Variants in B3GALT9 observed in about 807,000 individuals in gnomAD.
B3GALT9 encodes the protein UDP-GlcNAc:betaGal beta-1,3-N-acetylglucosaminyltransferase 10 (putative).
Position 120,799,016 on chromosome 9 carries a change from A to G in B3GALT9, c.448A>G (p.Ile150Val), listed in dbSNP as rs2044955109. ...TAAGAATAATGATATAATTGAAGGAATCTTCTTGGACAGTTCTGAGAACCA... is the reference window on the plus strand; with the variant it reads ...TAAGAATAATGATATAATTGAAGGAGTCTTCTTGGACAGTTCTGAGAACCA... ...SCKNNDIIEGIFLDSSENQTL... is the reference protein window; with the variant it reads ...SCKNNDIIEGVFLDSSENQTL... Residue 150 changes from isoleucine (I) to valine (V), a missense_variant, in exon 3 of 3, where the codon ATC becomes GTC. Transcript: ENST00000689072. 2.5e-6 allele frequency: 1 copy of G among 399,076 alleles called. No individual in the cohort carries two copies. Among genetic ancestry groups the G allele is most frequent in the Non-Finnish European group, 4.4e-6 (1 of 226,070 alleles). 24.7% of individuals were successfully genotyped at this position (399,076 alleles called of 1,614,324 possible). A position where few individuals can be genotyped will look rare whatever the true frequency, so the allele number is the denominator to read the frequency against.
chr9:120,798,988 C>G lies in B3GALT9; in HGVS notation c.420C>G (p.Ser140=). Residue 140 remains serine (S), a synonymous_variant, in exon 3 of 3, where the codon TCC becomes TCG. Transcript: ENST00000689072. ...VTTQKEINKE[S]CKNNDIIEGI... ...CCCAGAAAGAGATCAACAAAGAATC[C>G]TGTAAGAATAATGATATAATTGAAG... 2.5e-6 allele frequency: 1 copy of G among 398,978 alleles called. No homozygotes were observed. Among genetic ancestry groups the G allele is most frequent in the Non-Finnish European group, 4.4e-6 (1 of 226,060 alleles). 24.7% of individuals were successfully genotyped at this position (398,978 alleles called of 1,614,324 possible). A position where few individuals can be genotyped will look rare whatever the true frequency, so the allele number is the denominator to read the frequency against.
chr9:120,793,534 G>A lies in B3GALT9; in HGVS notation c.-570G>A. ...AGGCCGGGAGTAGGGGTGGGGAGAAGAGCGTCCCGGGAAGCTGAACGCGTG... is the reference window on the plus strand; with the variant it reads ...AGGCCGGGAGTAGGGGTGGGGAGAAAAGCGTCCCGGGAAGCTGAACGCGTG... On this transcript the variant is annotated 5_prime_UTR_variant, in exon 1 of 3. Coordinates refer to ENST00000689072, the MANE Select transcript of B3GALT9 (RefSeq NM_001386823.1). The A allele has an allele frequency of 7.5e-6, 3 of 399,906 alleles. No individual in the cohort carries two copies. The East Asian group carries it at 1.1e-4, about 14-fold the overall frequency. 24.8% of individuals were successfully genotyped at this position (399,906 alleles called of 1,614,324 possible).
chr9:120,800,169 G>C lies in B3GALT9; in HGVS notation c.*491G>C, dbSNP rs533347123. 6.6e-6 allele frequency among the ~76,000 whole-genome samples: 1 copy of C among 151,050 alleles called. No homozygotes were observed. Among genetic ancestry groups the C allele is most frequent in the South Asian group, 2.1e-4 (1 of 4,772 alleles). ...GTCTTGCTCTGTCGCCCAGGCTGGA[G>C]TGCAATGGCACCATCTCTGTTCACT... On this transcript the variant is annotated 3_prime_UTR_variant, in exon 3 of 3. Coordinates refer to ENST00000689072, the MANE Select transcript of B3GALT9 (RefSeq NM_001386823.1).
In B3GALT9 at chr9:120,800,584, CTAAG is replaced by C. The variant is rs981830949; in HGVS notation, c.*908_*911del. Among the ~76,000 whole-genome samples the C allele has an allele frequency of 6.6e-6, 1 of 151,910 alleles. No individual in the cohort carries two copies. The highest frequency in any genetic ancestry group is 2.4e-5 in the African/African-American group (1 of 41,342). Reference sequence around the variant, plus strand: ...CTGGCCAGTACACAATTCATTATAACTAAGTTTTTTTTTTTATAAACTGACTAGT... The same window carrying C: ...CTGGCCAGTACACAATTCATTATAACTTTTTTTTTTTATAAACTGACTAGT... On this transcript the variant is annotated 3_prime_UTR_variant, in exon 3 of 3. Coordinates refer to ENST00000689072, the MANE Select transcript of B3GALT9 (RefSeq NM_001386823.1).
intron 1 of B3GALT9, among the ~76,000 whole-genome samples, chr9:120,794,521 TG>T (rs1373062121): frequency 6.6e-6 from 1 of 150,740 alleles, no homozygotes; most frequent in Non-Finnish European, 1.5e-5. Flanking sequence ...TGTGTGTGTG[TG>T]TGTGTGTGTG....
chr9:120,794,194 A>G (rs1252966438), intron 1 of B3GALT9, among the ~76,000 whole-genome samples: 1 of 152,182 alleles, frequency 6.6e-6, no homozygotes, highest in African/African-American at 2.4e-5. Flanking sequence ...AGTTCCCACA[A>G]CAACCCCACA....
intron 2 of B3GALT9, among the ~76,000 whole-genome samples, chr9:120,798,136 G>T (rs1231314212): frequency 1.3e-5 from 2 of 152,200 alleles, no homozygotes; most frequent in African/African-American, 2.4e-5. Flanking sequence ...AATTAGAGAA[G>T]AAATGGATCC....
intron 2 of B3GALT9, among the ~76,000 whole-genome samples, chr9:120,797,856 A>G (rs1444930470): frequency 6.6e-6 from 1 of 152,188 alleles, no homozygotes; most frequent in East Asian, 1.9e-4. Context: ...GCCCTTTCAG[A>G]CAGAAAGTTT....
rs1042963943 is a variant in B3GALT9 at position 120,796,421 on chromosome 9, A to G, written c.-181-2A>G. On this transcript the variant is annotated splice_acceptor_variant, in intron 1 of 2. Coordinates refer to ENST00000689072, the MANE Select transcript of B3GALT9 (RefSeq NM_001386823.1). LOFTEE classifies it low-confidence loss of function (5UTR_SPLICE). ...ATGATCAGCACCCACTCTCCTATGCAGTCAGCAGGTATTCTAGGATAAAAG... is the reference window on the plus strand; with the variant it reads ...ATGATCAGCACCCACTCTCCTATGCGGTCAGCAGGTATTCTAGGATAAAAG... The G allele has an allele frequency of 6.6e-6, 1 of 152,224 alleles. No homozygotes were observed. Among genetic ancestry groups the G allele is most frequent in the Non-Finnish European group, 1.5e-5 (1 of 68,046 alleles). 9.4% of individuals were successfully genotyped at this position (152,224 alleles called of 1,614,324 possible).
At position 120,799,364 on chromosome 9, in the gene B3GALT9, A is replaced by C. The variant is rs371730504; in HGVS notation, c.796A>C (p.Met266Leu). 1 of 399,194 alleles carries C rather than the reference A, an allele frequency of 2.5e-6. No homozygotes were observed. Among genetic ancestry groups the C allele is most frequent in the Non-Finnish European group, 4.4e-6 (1 of 226,168 alleles). The allele number at this position is 399,194 out of a possible 1,614,324, so 24.7% of individuals were successfully genotyped here. Residue 266 changes from methionine (M) to leucine (L), a missense_variant, in exon 3 of 3, where the codon ATG (methionine) becomes CTG (leucine). Physicochemically the swap from Met to Leu is conservative, Grantham distance 15 (BLOSUM62 2). Coordinates refer to ENST00000689072, the MANE Select transcript of B3GALT9 (RefSeq NM_001386823.1). ...MMYVVFKEVP[M>L]MVPADVFVGI... ...GTATGTGGTTTTCAAAGAAGTACCC[A>C]TGATGGTGCCAGCTGATGTGTTTGT...
In B3GALT9 at chr9:120,801,150, A is replaced by G. The variant is rs1368355980; in HGVS notation, c.*1472A>G. On this transcript the variant is annotated 3_prime_UTR_variant, in exon 3 of 3. Transcript: ENST00000689072. ...TTAGATAGATGCCACTAATCTTGTG[A>G]ATAATGCTGCATTGAATGTGGGGAG... Among the ~76,000 whole-genome samples, 1 of 152,268 alleles carries G rather than the reference A, an allele frequency of 6.6e-6. No homozygotes were observed. Among genetic ancestry groups the G allele is most frequent in the African/African-American group, 2.4e-5 (1 of 41,468 alleles).
At chr9:120,797,753 T>C (rs2044948802) in intron 2 of B3GALT9, among the ~76,000 whole-genome samples, 1 of 152,202 alleles carries the variant, frequency 6.6e-6, no homozygotes, top group South Asian at 2.1e-4. Flanking sequence ...AGGTAACAGT[T>C]ATTATGGGAG....
chr9:120,793,554 C>G lies in B3GALT9; in HGVS notation c.-550C>G, dbSNP rs1455615308. The G allele has an allele frequency of 2.5e-6, 1 of 399,938 alleles. No individual in the cohort carries two copies. Among genetic ancestry groups the G allele is most frequent in the Non-Finnish European group, 4.4e-6 (1 of 227,008 alleles). The allele number at this position is 399,938 out of a possible 1,614,324, so 24.8% of individuals were successfully genotyped here. A position where few individuals can be genotyped will look rare whatever the true frequency, so the allele number is the denominator to read the frequency against. On this transcript the variant is annotated 5_prime_UTR_variant, in exon 1 of 3. Coordinates refer to ENST00000689072, the MANE Select transcript of B3GALT9 (RefSeq NM_001386823.1). ...GAGAAGAGCGTCCCGGGAAGCTGAA[C>G]GCGTGCCGCGCGGCCCTCACGGTGC...
chr9:120,800,003 G>T lies in B3GALT9; in HGVS notation c.*325G>T, dbSNP rs2044961012. The T allele has an allele frequency of 2.5e-5, 4 of 161,744 alleles. No homozygotes were observed. The highest frequency in any genetic ancestry group is 5.3e-5 in the Non-Finnish European group (4 of 75,854). The allele number at this position is 161,744 out of a possible 1,614,324, so 10.0% of individuals were successfully genotyped here. ...CTGGCTCTGTCACCCAGGCTGGAGT[G>T]CAGTGGCGCAATCTCGACTCACTGC... On this transcript the variant is annotated 3_prime_UTR_variant, in exon 3 of 3. Transcript: ENST00000689072.
rs372190292 is a variant in B3GALT9, at chr9:120,799,218, C to T, written c.650C>T (p.Thr217Ile). The part of the protein sequence containing the change: ...IYVGRVLHQV[T>I]PNRDPQNRDF... The stretch of plus-strand genomic sequence containing the variant: ...GTAGGAAGAGTTCTTCATCAGGTTA[C>T]ACCCAATAGAGATCCTCAGAACAGA... The change falls in exon 3 of 3, where the codon ACA becomes ATA. Residue 217 changes from threonine (T) to isoleucine (I), a missense_variant. Coordinates refer to ENST00000689072, the MANE Select transcript of B3GALT9 (RefSeq NM_001386823.1). 2.5e-6 allele frequency: 1 copy of T among 399,110 alleles called. No individual in the cohort carries two copies. Among genetic ancestry groups the T allele is most frequent in the African/African-American group, 2.1e-5 (1 of 48,720 alleles). The allele number at this position is 399,110 out of a possible 1,614,324, so 24.7% of individuals were successfully genotyped here.
intron 1 of B3GALT9, among the ~76,000 whole-genome samples, chr9:120,794,909 C>T (rs2044926646): frequency 6.6e-6 from 1 of 152,138 alleles, no homozygotes; most frequent in Non-Finnish European, 1.5e-5. Context: ...TTAATAGCCA[C>T]ATGAGGCTAA....
intron 2 of B3GALT9, among the ~76,000 whole-genome samples, chr9:120,797,809 A>T (rs985317745): frequency 1.3e-5 from 2 of 152,218 alleles, no homozygotes; most frequent in African/African-American, 4.8e-5. Context: ...AATTCATTTA[A>T]TGTTCCCTGG....
At chr9:120,796,120 G>A (rs548636929) in intron 1 of B3GALT9, among the ~76,000 whole-genome samples, 2 of 152,232 alleles carry the variant, frequency 1.3e-5, no homozygotes, top group South Asian at 4.2e-4. Context: ...TCTATGTCTA[G>A]TACAGTTTTT....
chr9:120,793,575 G>T lies in B3GALT9; in HGVS notation c.-529G>T. ...TGAACGCGTGCCGCGCGGCCCTCAC[G>T]GTGCTTAGGCTGGGTGCAACCTAGA... On this transcript the variant is annotated 5_prime_UTR_variant, in exon 1 of 3. Coordinates refer to ENST00000689072, the MANE Select transcript of B3GALT9 (RefSeq NM_001386823.1). The T allele has an allele frequency of 2.5e-6, 1 of 400,310 alleles. No individual in the cohort carries two copies. The highest frequency in any genetic ancestry group is 4.4e-6 in the Non-Finnish European group (1 of 227,116). The allele number at this position is 400,310 out of a possible 1,614,324, so 24.8% of individuals were successfully genotyped here.
Sources: gnomAD v4.1 joint callset for allele counts (sites outside exome capture counted in the v4.1 genomes callset) on GRCh38, gnomAD v4.1.1 for gene constraint, MANE v1.5 for transcripts, NCBI Gene and HGNC (gene_info 2026-07-23, HGNC 2026-07-21) for gene names.